Variants in C19orf47 observed in about 807,000 individuals in gnomAD.
C19orf47 encodes chromosome 19 open reading frame 47.
In C19orf47, 18 loss-of-function variants were observed where a neutral mutation model predicts 32.3. The ratio of observed to expected loss-of-function variants is 0.56; its 90% CI spans 0.39 to 0.83. The LOEUF (loss-of-function observed/expected upper bound fraction) is 0.83. Ranked by LOEUF, C19orf47 falls within the 40% of genes least tolerant of loss-of-function variation. C19orf47 has a pLI of 0.00. For missense variants in C19orf47, 484 were observed against 531.6 expected (o/e 0.91, Z 0.88); for synonymous variants, 202 against 211.1 (o/e 0.96, Z 0.37).
intron 7 of C19orf47, among the ~76,000 whole-genome samples, chr19:40,324,957 C>G (rs957831402): frequency 6.7e-6 from 1 of 148,294 alleles, no homozygotes; most frequent in African/African-American, 2.5e-5. Flanking sequence ...AAGACTCTGT[C>G]TCAAAAAAAA....
rs2077734499 is a variant in C19orf47, at chr19:40,322,215, A to T, written c.825T>A (p.Thr275=). The T allele has an allele frequency of 6.2e-7, 1 of 1,610,536 alleles. No homozygotes were observed. Among genetic ancestry groups the T allele is most frequent in the African/African-American group, 1.3e-5 (1 of 75,068 alleles). The change falls in exon 9 of 9, where the codon ACT becomes ACA. Residue 275 remains threonine (T), a synonymous_variant. Coordinates refer to ENST00000683109, the MANE Select transcript of C19orf47 (RefSeq NM_001256441.2). ...PAKASPQPAL[T]VKAKATSSAT... ...CTGAGCTTGTGGCCTTGGCTTTGACAGTCAGTGCTGGCTGGGGACTGGCCT... is the reference window on the plus strand; with the variant it reads ...CTGAGCTTGTGGCCTTGGCTTTGACTGTCAGTGCTGGCTGGGGACTGGCCT...
intron 4 of C19orf47, among the ~76,000 whole-genome samples, 166 bp from the exon 5 acceptor site, chr19:40,334,095 C>G (rs1411566797): frequency 6.6e-6 from 1 of 152,192 alleles, no homozygotes; most frequent in Admixed American, 6.5e-5. Context: ...GAGGGACACT[C>G]TATAAAATAT....
At chr19:40,346,837 C>T (rs557072824) in intron 1 of C19orf47, among the ~76,000 whole-genome samples, 4 of 152,218 alleles carry the variant, frequency 2.6e-5, no homozygotes, top group African/African-American at 9.6e-5. Flanking sequence ...AGGACCCATT[C>T]TTAAAGGTGT....
Position 40,336,114 on chromosome 19 carries a change from C to G in C19orf47, c.218G>C (p.Arg73Pro). ...AILKHAKVVH[R>P]QDMCKAATES... ...GGGGCTGGGCACAGCACCCACCTGACGGTGCACCACTTTGGCATGCTTGAG... is the reference window on the plus strand; with the variant it reads ...GGGGCTGGGCACAGCACCCACCTGAGGGTGCACCACTTTGGCATGCTTGAG... Residue 73 changes from arginine to proline, a missense_variant, in exon 4 of 9, where the codon CGT becomes CCT. Coordinates refer to ENST00000683109, the MANE Select transcript of C19orf47 (RefSeq NM_001256441.2). 1 of 1,614,036 alleles carries G rather than the reference C, an allele frequency of 6.2e-7. No homozygotes were observed. The highest frequency in any genetic ancestry group is 8.5e-7 in the Non-Finnish European group (1 of 1,179,908).
the C19orf47 span, among the ~76,000 whole-genome samples, chr19:40,300,136 G>A: frequency 6.6e-6 from 1 of 152,050 alleles, no homozygotes; most frequent in African/African-American, 2.4e-5. Flanking sequence ...TGAACCCAGG[G>A]TAGGAGGTGA....
At chr19:40,301,857 T>C in the C19orf47 span, among the ~76,000 whole-genome samples, 2 of 139,448 alleles carry the variant, frequency 1.4e-5, no homozygotes, top group South Asian at 2.3e-4. Context: ...AAAAAAATCT[T>C]AAAAAAAAAG....
chr19:40,297,692 T>C, the C19orf47 span, among the ~76,000 whole-genome samples: 1 of 114,128 alleles, frequency 8.8e-6, no homozygotes, highest in African/African-American at 4.0e-5. Flanking sequence ...AGAGCGAGAC[T>C]CCGTCTCGGA....
the C19orf47 span, among the ~76,000 whole-genome samples, chr19:40,298,986 T>G: frequency 6.6e-5 from 10 of 152,102 alleles, no homozygotes; most frequent in African/African-American, 2.4e-4. Context: ...AAGGGTACAT[T>G]GATGCAAAAC....
chr19:40,334,996 G>T (rs986944452), intron 4 of C19orf47: 1 of 137,830 alleles, frequency 7.3e-6, no homozygotes, highest in East Asian at 2.4e-4. Context: ...AAGGGAGAAA[G>T]GGAAGGAGGG....
chr19:40,293,969 A>G, the C19orf47 span, among the ~76,000 whole-genome samples: 1,189 of 152,066 alleles, frequency 7.8e-3, 4 homozygotes, highest in African/African-American at 0.027. Context: ...AAAATACAAA[A>G]ATTAGCAAAG....
At chr19:40,317,022 G>T (rs2077666768), downstream of C19orf47, among the ~76,000 whole-genome samples, 1 of 152,160 alleles carries the variant, frequency 6.6e-6, no homozygotes, top group Admixed American at 6.6e-5. Flanking sequence ...AGTCTCTGAG[G>T]AAGGGACTAG....
intron 2 of C19orf47, among the ~76,000 whole-genome samples, chr19:40,338,348 T>TACAC (rs10584231): frequency 6.8e-6 from 1 of 147,256 alleles, no homozygotes; most frequent in Non-Finnish European, 1.5e-5. Flanking sequence ...AATATATATA[T>TACAC]ACACACACAC....
chr19:40,347,694 C>T (rs1040849313), intron 1 of C19orf47, among the ~76,000 whole-genome samples: 2 of 152,134 alleles, frequency 1.3e-5, no homozygotes, highest in African/African-American at 2.4e-5. Flanking sequence ...TCGATTTCCC[C>T]GGCTCCAATT....
the C19orf47 span, among the ~76,000 whole-genome samples, chr19:40,300,040 A>T: frequency 2.0e-5 from 3 of 151,992 alleles, no homozygotes; most frequent in African/African-American, 7.3e-5. Context: ...AAAAAGAGAG[A>T]TATTAGACTA....
rs1457233031 is a variant in C19orf47 at position 40,329,512 on chromosome 19, AG to A, written c.302-963del. Among the ~76,000 whole-genome samples the A allele has an allele frequency of 5.9e-5, 9 of 152,132 alleles. No individual in the cohort carries two copies. The South Asian group carries it at 8.3e-4, about 14-fold the overall frequency. On this transcript the variant is annotated intron_variant, in intron 5 of 8. Coordinates refer to ENST00000683109, the MANE Select transcript of C19orf47 (RefSeq NM_001256441.2). ...CAGAGTGAAACCCAGTCTCAAAAAC[AG>A]GGGGGAAAAAGAAAGAAAACTACAT...
rs908287321 is a variant in C19orf47, at chr19:40,321,702, G to A, written c.*180C>T. 12 of 1,418,060 alleles carry A rather than the reference G, an allele frequency of 8.5e-6. No homozygotes were observed. Among genetic ancestry groups the A allele is most frequent in the Admixed American group, 6.2e-5 (2 of 32,256 alleles). 87.8% of individuals were successfully genotyped at this position (1,418,060 alleles called of 1,614,324 possible). Reference sequence around the variant, plus strand: ...TGGAGCAGGCCAGGCCAGCTGCGACGACCATCCCAGGCTAGGAGAAATGGG... The same window carrying A: ...TGGAGCAGGCCAGGCCAGCTGCGACAACCATCCCAGGCTAGGAGAAATGGG... On this transcript the variant is annotated 3_prime_UTR_variant, in exon 9 of 9. Transcript: ENST00000683109.
At chr19:40,344,285 C>T (rs2078231711) in intron 1 of C19orf47, among the ~76,000 whole-genome samples, 1 of 151,406 alleles carries the variant, frequency 6.6e-6, no homozygotes, top group Non-Finnish European at 1.5e-5. Context: ...TTGAGACCAG[C>T]CTGGCCAACA....
intron 2 of C19orf47, among the ~76,000 whole-genome samples, chr19:40,338,332 TACACAAATATATATATAC>T (rs1484692643): frequency 2.0e-5 from 3 of 146,786 alleles, no homozygotes; most frequent in African/African-American, 5.2e-5. Context: ...AATATATATA[TACACAAATATATATATAC>T]ACACACACAC....
chr19:40,323,357 A>C (rs768717667), intron 8 of C19orf47, among the ~76,000 whole-genome samples: 19 of 152,244 alleles, frequency 1.2e-4, no homozygotes, highest in Non-Finnish European at 2.5e-4. Context: ...GCTGAAGTAC[A>C]AAGGACTTAA....
Sources: gnomAD v4.1 joint callset for allele counts (sites outside exome capture counted in the v4.1 genomes callset) on GRCh38, gnomAD v4.1.1 for gene constraint, MANE v1.5 for transcripts, NCBI Gene and HGNC (gene_info 2026-07-23, HGNC 2026-07-21) for gene names.